CNTN4: variants seen among roughly 807,000 people sequenced by gnomAD.
CNTN4 encodes contactin-4.
In CNTN4, 77 loss-of-function variants were observed where a neutral mutation model predicts 122.5. The ratio of observed to expected loss-of-function variants is 0.63; its 90% CI spans 0.52 to 0.76. The LOEUF is 0.76. Among genes scored for constraint, CNTN4 ranks in the 30% least tolerant of loss-of-function variants. CNTN4 has a pLI of 0.00. For synonymous variants in CNTN4, 512 were observed against 447.0 expected, an observed-to-expected ratio of 1.15 and a Z score of -1.83; for missense variants, 1,256 against 1,259.1, an observed-to-expected ratio of 1.00 and a Z score of 0.04.
Position 2,971,358 on chromosome 3 carries a change from ATC to A in CNTN4, c.1359-16985_1359-16984del, listed in dbSNP as rs1692906555. The stretch of plus-strand genomic sequence containing the variant: ...TATCTGTCTGTCTGTCTGTCTATCT[ATC>A]TATCTATCTATATATATATATATTT... On this transcript the variant is annotated intron_variant, in intron 13 of 24. Coordinates refer to ENST00000418658, the MANE Select transcript of CNTN4 (RefSeq NM_175607.3). 4.2e-5 allele frequency among the ~76,000 whole-genome samples: 3 copies of A among 71,488 alleles called. No homozygotes were observed. In the African/African-American group the frequency reaches 5.7e-4, roughly 14 times the overall value. 46.9% of individuals were successfully genotyped at this position (71,488 alleles called of 152,430 possible).
intron 23 of CNTN4, among the ~76,000 whole-genome samples, chr3:3,045,770 T>TG (rs1201826085): frequency 3.9e-5 from 6 of 152,204 alleles, no homozygotes; most frequent in Non-Finnish European, 2.9e-5. Flanking sequence ...TGGAAAAAGC[T>TG]GGATGGAGAA....
chr3:3,030,646 C>T (rs1230258956), intron 15 of CNTN4, among the ~76,000 whole-genome samples: 1 of 152,180 alleles, frequency 6.6e-6, no homozygotes, highest in Non-Finnish European at 1.5e-5. Flanking sequence ...AGCCAGACAC[C>T]TGAGGTCTTG....
At chr3:2,613,008 C>G (rs1037917615) in intron 4 of CNTN4, among the ~76,000 whole-genome samples, 1 of 152,188 alleles carries the variant, frequency 6.6e-6, no homozygotes, top group East Asian at 1.9e-4. Flanking sequence ...CGTTTAAGAA[C>G]ACAATGTTGT....
chr3:2,879,657 C>G (rs1256066215), intron 8 of CNTN4, among the ~76,000 whole-genome samples: 1 of 151,998 alleles, frequency 6.6e-6, no homozygotes, highest in Non-Finnish European at 1.5e-5. Flanking sequence ...TGTACAGAGA[C>G]AGAAAGCAGA....
Position 2,551,818 on chromosome 3 carries a change from G to T in CNTN4, c.-88-19598G>T, listed in dbSNP as rs115950386. Among the ~76,000 whole-genome samples, 378 of 152,116 alleles carry T rather than the reference G, an allele frequency of 2.5e-3. 2 individuals are homozygous for T. The highest frequency in any genetic ancestry group is 4.3e-3 in the Non-Finnish European group (293 of 67,990). On this transcript the variant is annotated intron_variant, in intron 3 of 24. Transcript: ENST00000418658. ...ATTGTGTATTTAACAGGAATTCCTC[G>T]ATTGCAATGGCTTTTTAAAGGTTTT...
intron 13 of CNTN4, among the ~76,000 whole-genome samples, chr3:2,933,026 G>A (rs934387794): frequency 1.3e-5 from 2 of 152,002 alleles, no homozygotes; most frequent in African/African-American, 4.8e-5. Context: ...GTTTCACCGT[G>A]TTAGCCAGGA....
intron 6 of CNTN4, among the ~76,000 whole-genome samples, chr3:2,809,952 G>A (rs1035408126): frequency 1.3e-5 from 2 of 152,180 alleles, no homozygotes; most frequent in African/African-American, 2.4e-5. Flanking sequence ...CATCAGGAAC[G>A]CTGTAAGCTC....
At chr3:2,242,904 T>C (rs947580246) in intron 2 of CNTN4, among the ~76,000 whole-genome samples, 4 of 152,132 alleles carry the variant, frequency 2.6e-5, no homozygotes, top group South Asian at 2.1e-4. Context: ...TCTACTGATA[T>C]AGATATTCCA....
chr3:2,507,734 CAAAA>C (rs34779120), intron 3 of CNTN4, among the ~76,000 whole-genome samples: 4 of 108,806 alleles, frequency 3.7e-5, no homozygotes, highest in Non-Finnish European at 7.6e-5. Context: ...GACTTTGTCT[CAAAA>C]AAAAAAAAAA....
chr3:2,332,637 C>T (rs1173859953), intron 2 of CNTN4, among the ~76,000 whole-genome samples: 6 of 150,134 alleles, frequency 4.0e-5, no homozygotes, highest in East Asian at 2.0e-4. Flanking sequence ...AACCAAACAC[C>T]GCATATTGTC....
chr3:2,322,971 C>G (rs967059126), intron 2 of CNTN4, among the ~76,000 whole-genome samples: 2 of 152,076 alleles, frequency 1.3e-5, no homozygotes, highest in Non-Finnish European at 2.9e-5. Context: ...CCGAAGTTCA[C>G]TTTCCTGGGG....
chr3:2,534,623 T>A (rs2077727938), intron 3 of CNTN4, among the ~76,000 whole-genome samples: 1 of 151,908 alleles, frequency 6.6e-6, no homozygotes, highest in Non-Finnish European at 1.5e-5. Context: ...TTACGTGTCC[T>A]CTGGCACTGT....
intron 14 of CNTN4, among the ~76,000 whole-genome samples, chr3:3,000,023 G>A (rs2125388608): frequency 6.6e-6 from 1 of 152,284 alleles, no homozygotes; most frequent in East Asian, 1.9e-4. Flanking sequence ...AGATAATCAT[G>A]TGAACCAAGT....
chr3:2,197,021 G>T (rs1182239978), intron 2 of CNTN4, among the ~76,000 whole-genome samples: 2 of 146,822 alleles, frequency 1.4e-5, no homozygotes, highest in South Asian at 4.4e-4. Flanking sequence ...GTCCAGCTTG[G>T]GCAACAAGAG....
At chr3:2,647,072 T>C (rs1466869050) in intron 4 of CNTN4, among the ~76,000 whole-genome samples, 3 of 152,098 alleles carry the variant, frequency 2.0e-5, no homozygotes, top group African/African-American at 7.2e-5. Flanking sequence ...TAAGCATATC[T>C]GTGTACTTAA....
intron 3 of CNTN4, among the ~76,000 whole-genome samples, chr3:2,520,412 A>G (rs1173975758): frequency 6.6e-6 from 1 of 151,590 alleles, no homozygotes; most frequent in African/African-American, 2.4e-5. Context: ...AGCTGGGATT[A>G]TAAGCACCTG....
At chr3:2,477,769 G>A (rs1242071241) in intron 3 of CNTN4, among the ~76,000 whole-genome samples, 2 of 152,108 alleles carry the variant, frequency 1.3e-5, no homozygotes, top group African/African-American at 4.8e-5. Context: ...CCTTTGGGAG[G>A]GACTAATTTC....
intron 6 of CNTN4, among the ~76,000 whole-genome samples, chr3:2,800,163 T>A (rs1185726766): frequency 6.6e-6 from 1 of 150,864 alleles, no homozygotes; most frequent in Non-Finnish European, 1.5e-5. Flanking sequence ...TTTTAAGATT[T>A]AAAAAAAAAT....
intron 3 of CNTN4, among the ~76,000 whole-genome samples, chr3:2,377,488 G>C (rs1437508111): frequency 1.3e-5 from 2 of 152,202 alleles, no homozygotes; most frequent in Non-Finnish European, 2.9e-5. Flanking sequence ...CCTCTCTAGA[G>C]ATCTGGTATC....
Sources: gnomAD v4.1 joint callset for allele counts (sites outside exome capture counted in the v4.1 genomes callset) on GRCh38, gnomAD v4.1.1 for gene constraint, MANE v1.5 for transcripts, NCBI Gene and HGNC (gene_info 2026-07-23, HGNC 2026-07-21) for gene names.